The following MYO5C variants were observed in gnomAD, a reference collection of about 807,000 sequenced individuals.
MYO5C encodes unconventional myosin-Vc.
In MYO5C, 194 loss-of-function variants were observed where a neutral mutation model predicts 235.7. The ratio of observed to expected loss-of-function variants is 0.82; its 90% CI spans 0.73 to 0.93. The LOEUF (loss-of-function observed/expected upper bound fraction) is 0.93, where lower values mean the gene tolerates loss of function less well. MYO5C is among the 40% of genes least tolerant of loss of function. MYO5C has a pLI of 0.00. For synonymous variants in MYO5C, 707 were observed against 754.8 expected, an observed-to-expected ratio of 0.94 and a Z score of 1.04; for missense variants, 2,038 against 2,127.2, an observed-to-expected ratio of 0.96 and a Z score of 0.82.
intron 10 of MYO5C, among the ~76,000 whole-genome samples, chr15:52,257,883 T>C (rs1158615659): frequency 1.3e-5 from 2 of 152,224 alleles, no homozygotes; most frequent in Admixed American, 1.3e-4. Flanking sequence ...TGGCTCAATC[T>C]GGAATTCCTG....
intron 11 of MYO5C, among the ~76,000 whole-genome samples, chr15:52,254,293 T>C (rs1596196382): frequency 6.6e-6 from 1 of 152,122 alleles, no homozygotes; most frequent in Non-Finnish European, 1.5e-5. Flanking sequence ...CCGGAGGCAG[T>C]GAGACCAATG....
intron 1 of MYO5C, among the ~76,000 whole-genome samples, chr15:52,286,042 G>A: frequency 6.6e-6 from 1 of 151,986 alleles, no homozygotes; most frequent in Non-Finnish European, 1.5e-5. Context: ...CCTCTGCCCT[G>A]CCGCCCCGTC....
intron 21 of MYO5C, 120 bp downstream of exon 21, chr15:52,239,613 A>G: frequency 3.9e-6 from 4 of 1,032,306 alleles, no homozygotes; most frequent in Non-Finnish European, 5.6e-6. Context: ...CAGGTGGTCC[A>G]CGTAAACTGA....
intron 36 of MYO5C, among the ~76,000 whole-genome samples, chr15:52,206,731 CTT>C (rs1354986224): frequency 6.6e-6 from 1 of 152,202 alleles, no homozygotes; most frequent in Non-Finnish European, 1.5e-5. Context: ...AAACAAATCT[CTT>C]GTTTAAGCCA....
At chr15:52,285,186 G>A (rs1222625395) in intron 1 of MYO5C, among the ~76,000 whole-genome samples, 2 of 152,078 alleles carry the variant, frequency 1.3e-5, no homozygotes, top group Admixed American at 6.5e-5. Flanking sequence ...TGGCCAACAT[G>A]GTGAAACCCT....
At chr15:52,230,752 T>A (rs907161583) in intron 24 of MYO5C, among the ~76,000 whole-genome samples, 184 of 148,642 alleles carry the variant, frequency 1.2e-3, no homozygotes, top group African/African-American at 3.9e-3. Flanking sequence ...CCAGGTTTTT[T>A]AAAAAAAAAC....
intron 2 of MYO5C, among the ~76,000 whole-genome samples, chr15:52,282,566 G>A (rs1198696901): frequency 1.3e-5 from 2 of 152,204 alleles, no homozygotes; most frequent in African/African-American, 4.8e-5. Flanking sequence ...TACAGAGAGA[G>A]GCCCGGTGGA....
At chr15:52,293,097 A>G (rs952951247) in intron 1 of MYO5C, among the ~76,000 whole-genome samples, 2 of 152,168 alleles carry the variant, frequency 1.3e-5, no homozygotes, top group African/African-American at 4.8e-5. Flanking sequence ...TGCTCTGAAC[A>G]TTTCTAAGGC....
At chr15:52,277,937 G>A (rs1344582043) in intron 4 of MYO5C, 5 of 455,896 alleles carry the variant, frequency 1.1e-5, no homozygotes, top group African/African-American at 4.0e-5. Context: ...GACATAAAGC[G>A]GAGGGAGCTC....
intron 25 of MYO5C, among the ~76,000 whole-genome samples, chr15:52,225,804 C>G (rs557474022): frequency 1.3e-5 from 2 of 152,194 alleles, no homozygotes; most frequent in African/African-American, 4.8e-5. Flanking sequence ...AATCCCAGCA[C>G]TTTGGGAGGC....
chr15:52,217,621 G>GT (rs1270768413), intron 32 of MYO5C, among the ~76,000 whole-genome samples: 1 of 152,212 alleles, frequency 6.6e-6, no homozygotes, highest in African/African-American at 2.4e-5. Context: ...TGTCATGTAG[G>GT]TGTCACTGAT....
chr15:52,222,127 T>C (rs978423780), intron 29 of MYO5C, among the ~76,000 whole-genome samples: 5 of 152,318 alleles, frequency 3.3e-5, no homozygotes, highest in South Asian at 2.1e-4. Context: ...TAAGCTACGA[T>C]GCTTGGTAGG....
intron 25 of MYO5C, among the ~76,000 whole-genome samples, chr15:52,225,947 G>A (rs2035812493): frequency 6.6e-6 from 1 of 152,084 alleles, no homozygotes; most frequent in South Asian, 2.1e-4. Context: ...CTACTTGGGA[G>A]GCTGAGGCAG....
At chr15:52,292,893 C>A (rs1046834459) in intron 1 of MYO5C, among the ~76,000 whole-genome samples, 2 of 152,198 alleles carry the variant, frequency 1.3e-5, no homozygotes, top group Non-Finnish European at 2.9e-5. Context: ...GCAGTGGCAA[C>A]GTGCAAGCAA....
chr15:52,239,986 T>C, intron 20 of MYO5C, 107 bp from the exon 21 acceptor site: 1 of 1,225,674 alleles, frequency 8.2e-7, no homozygotes, highest in East Asian at 2.5e-5. Context: ...AATGAGTTTC[T>C]TCTTGTCAAC....
In MYO5C at chr15:52,282,823, C is replaced by A. The variant is rs769861112; in HGVS notation, c.97G>T (p.Val33Phe). The A allele has an allele frequency of 1.9e-6, 3 of 1,614,142 alleles. No individual in the cohort carries two copies. The highest frequency in any genetic ancestry group is 2.5e-6 in the Non-Finnish European group (3 of 1,179,946). Residue 33 changes from valine to phenylalanine, a missense_variant, in exon 2 of 41, where the codon GTT (valine) becomes TTT (phenylalanine). Physicochemically the swap from Val to Phe is conservative, Grantham distance 50. Coordinates refer to ENST00000261839, the MANE Select transcript of MYO5C (RefSeq NM_018728.4). ...AGGAGTCGCAGGACCTTGTCACCAA[C>A]TCTGTAGTCCTTGGCTATTTCAGCA... ...KSAEIAKDYRVGDKVLRLLLE... is the reference protein window; with the variant it reads ...KSAEIAKDYRFGDKVLRLLLE...
intron 1 of MYO5C, among the ~76,000 whole-genome samples, chr15:52,286,284 G>A (rs1454354774): frequency 2.7e-5 from 4 of 149,896 alleles, no homozygotes; most frequent in South Asian, 2.1e-4. Flanking sequence ...TCAGCCCCCC[G>A]CCCGGCCAGC....
intron 35 of MYO5C, among the ~76,000 whole-genome samples, chr15:52,209,666 A>G (rs1032947264): frequency 6.6e-6 from 1 of 152,186 alleles, no homozygotes; most frequent in African/African-American, 2.4e-5. Flanking sequence ...GGAAGCAAAT[A>G]CTGTGTGTCC....
chr15:52,262,447 A>T (rs113378225), intron 9 of MYO5C, among the ~76,000 whole-genome samples: 1,905 of 152,264 alleles, frequency 0.013, 27 homozygotes, highest in Middle Eastern at 0.021. Context: ...GGTTTGGGGA[A>T]AAAAGGGCAG....
Sources: gnomAD v4.1 joint callset for allele counts (sites outside exome capture counted in the v4.1 genomes callset) on GRCh38, gnomAD v4.1.1 for gene constraint, MANE v1.5 for transcripts, NCBI Gene and HGNC (gene_info 2026-07-23, HGNC 2026-07-21) for gene names.